LINGO2: variants seen among roughly 807,000 people sequenced by gnomAD.
LINGO2 encodes leucine-rich repeat and immunoglobulin-like domain-containing nogo receptor-interacting protein 2.
Under a neutral mutation model 30.6 loss-of-function variants are expected in LINGO2, and 14 were observed. The ratio of observed to expected loss-of-function variants is 0.46; its 90% CI spans 0.30 to 0.72. The LOEUF (loss-of-function observed/expected upper bound fraction) is 0.72. LINGO2 is among the 30% of genes least tolerant of loss of function. The probability of loss-of-function intolerance (pLI) is 0.07; values close to 1 mark genes in which losing one functional copy is unlikely to be tolerated. For missense variants in LINGO2, 729 were observed against 751.7 expected, an observed-to-expected ratio of 0.97 and a Z score of 0.35; for synonymous variants, 317 against 288.5, an observed-to-expected ratio of 1.10 and a Z score of -1.00.
intron 4 of LINGO2, among the ~76,000 whole-genome samples, chr9:28,109,837 A>G (rs887758194): frequency 3.3e-5 from 5 of 152,200 alleles, no homozygotes; most frequent in Non-Finnish European, 5.9e-5. Context: ...TATAGATTCA[A>G]TGCTATTCCC....
At chr9:28,714,823 T>G in the LINGO2 span, among the ~76,000 whole-genome samples, 2 of 152,176 alleles carry the variant, frequency 1.3e-5, no homozygotes, top group Non-Finnish European at 2.9e-5. Context: ...TACATATGCA[T>G]TCTACTTTAT....
intron 4 of LINGO2, among the ~76,000 whole-genome samples, chr9:28,036,657 C>A (rs1023739541): frequency 1.3e-5 from 2 of 152,098 alleles, no homozygotes; most frequent in Admixed American, 6.5e-5. Context: ...TTGGTGCAAC[C>A]TAACCTGAGT....
At chr9:29,067,925 T>C in the LINGO2 span, among the ~76,000 whole-genome samples, 1 of 151,714 alleles carries the variant, frequency 6.6e-6, no homozygotes. Context: ...AAAAAGGAGC[T>C]TTAAAAACTA....
rs977458433 is a variant in LINGO2 at position 28,093,626 on chromosome 9, A to C, written c.-86-81221T>G. Among the ~76,000 whole-genome samples, 6 of 152,136 alleles carry C rather than the reference A, an allele frequency of 3.9e-5. No individual in the cohort carries two copies. In the South Asian group the frequency reaches 8.3e-4, roughly 21 times the overall value. ...TATGACACCTTTTTAACCGTCAAGA[A>C]ACCCTTTTGTTCCTGGAAAATGGCT... On this transcript the variant is annotated intron_variant, in intron 4 of 5. Coordinates refer to ENST00000379992, the Ensembl canonical transcript of LINGO2.
the LINGO2 span, among the ~76,000 whole-genome samples, chr9:28,739,686 T>G: frequency 6.6e-6 from 1 of 151,746 alleles, no homozygotes; most frequent in Non-Finnish European, 1.5e-5. Context: ...CTCAGAACCT[T>G]TATCAAAAAT....
At chr9:28,351,158 A>G (rs911619143) in intron 3 of LINGO2, among the ~76,000 whole-genome samples, 120 of 151,556 alleles carry the variant, frequency 7.9e-4, no homozygotes, top group African/African-American at 2.6e-3. Flanking sequence ...TCAGAGCAGA[A>G]CTGAAGGAAA....
At chr9:28,246,023 T>A (rs1019631918) in intron 4 of LINGO2, among the ~76,000 whole-genome samples, 4 of 152,152 alleles carry the variant, frequency 2.6e-5, no homozygotes, top group Non-Finnish European at 5.9e-5. Flanking sequence ...GCTGGAGGCA[T>A]CATGCTACCT....
At chr9:28,107,723 C>G (rs1826638956) in intron 4 of LINGO2, among the ~76,000 whole-genome samples, 1 of 152,134 alleles carries the variant, frequency 6.6e-6, no homozygotes. Flanking sequence ...TTCACCAATA[C>G]AATTTCAAAT....
chr9:28,464,041 CA>C (rs1358688522), intron 2 of LINGO2, among the ~76,000 whole-genome samples: 1 of 152,088 alleles, frequency 6.6e-6, no homozygotes, highest in African/African-American at 2.4e-5. Context: ...TTTATCAAGA[CA>C]AAACATTTCC....
intron 2 of LINGO2, among the ~76,000 whole-genome samples, chr9:28,391,823 C>T (rs985178356): frequency 2.0e-5 from 3 of 152,062 alleles, no homozygotes; most frequent in South Asian, 2.1e-4. Context: ...ACTCTAGGCA[C>T]GTGGGCTACA....
At chr9:27,950,801 G>C (rs1175663824) in intron 5 of LINGO2, 95 bp from the exon 7 acceptor site, 2 of 579,398 alleles carry the variant, frequency 3.5e-6, no homozygotes, top group South Asian at 6.7e-5. Context: ...GTAATGGAAA[G>C]GATACTGGAT....
intron 2 of LINGO2, among the ~76,000 whole-genome samples, chr9:28,397,792 T>C (rs1236914680): frequency 6.6e-6 from 1 of 151,896 alleles, no homozygotes; most frequent in Non-Finnish European, 1.5e-5. Flanking sequence ...CGTGATCCAC[T>C]TGCCTCAGCC....
intron 3 of LINGO2, among the ~76,000 whole-genome samples, chr9:28,343,523 G>A (rs1162716843): frequency 1.3e-5 from 2 of 152,122 alleles, no homozygotes; most frequent in Non-Finnish European, 2.9e-5. Context: ...TCCTGTATAA[G>A]TACTGATAGA....
intron 1 of LINGO2, among the ~76,000 whole-genome samples, chr9:28,492,338 A>T (rs192068989): frequency 2.6e-5 from 4 of 152,330 alleles, no homozygotes; most frequent in Admixed American, 6.5e-5. Flanking sequence ...GAGAACACAT[A>T]GCATTAACTC....
At chr9:28,054,556 C>T (rs566054397) in intron 4 of LINGO2, among the ~76,000 whole-genome samples, 1 of 152,216 alleles carries the variant, frequency 6.6e-6, no homozygotes, top group East Asian at 1.9e-4. Flanking sequence ...GTTCCATTAA[C>T]TGTTTAAAAA....
the LINGO2 span, among the ~76,000 whole-genome samples, chr9:28,823,208 T>C: frequency 6.6e-6 from 1 of 152,126 alleles, no homozygotes; most frequent in Non-Finnish European, 1.5e-5. Flanking sequence ...AGGACCTTCC[T>C]GGAGTGTGTC....
At chr9:28,229,605 A>T (rs1423505393) in intron 4 of LINGO2, among the ~76,000 whole-genome samples, 1 of 151,804 alleles carries the variant, frequency 6.6e-6, no homozygotes, top group Admixed American at 6.6e-5. Context: ...GTGATGACAG[A>T]ATAGTTGCAA....
chr9:28,638,170 C>T (rs987634930), intron 1 of LINGO2, among the ~76,000 whole-genome samples: 2 of 152,118 alleles, frequency 1.3e-5, no homozygotes, highest in African/African-American at 4.8e-5. Context: ...AGGGATGAAG[C>T]CCACTGGATT....
intron 4 of LINGO2, among the ~76,000 whole-genome samples, chr9:28,233,050 ATATATATAT>A (rs1380325069): frequency 0.01 from 1,267 of 122,104 alleles, 71 homozygotes; most frequent in African/African-American, 0.038. Context: ...ATATATATAT[ATATATATAT>A]ATTAGATATA....
Sources: allele counts gnomAD v4.1 joint callset (sites outside exome capture counted in the v4.1 genomes callset), GRCh38; gene constraint gnomAD v4.1.1; transcripts MANE v1.5; gene names NCBI Gene and HGNC (gene_info 2026-07-23, HGNC 2026-07-21).